Variants in ESRRG observed in about 807,000 individuals in gnomAD.
ESRRG encodes estrogen related receptor gamma.
Under a neutral mutation model 44.0 loss-of-function variants are expected in ESRRG, and 13 were observed. That is an observed-to-expected ratio of 0.30 (90% CI 0.19 to 0.47). The LOEUF (loss-of-function observed/expected upper bound fraction) is 0.47. Among genes scored for constraint, ESRRG ranks in the 20% least tolerant of loss-of-function variants. ESRRG has a pLI of 1.00. For missense variants in ESRRG, 395 were observed against 580.6 expected (o/e 0.68, Z 3.29); for synonymous variants, 215 against 214.6 (o/e 1.00, Z -0.02).
intron 1 of ESRRG, among the ~76,000 whole-genome samples, chr1:216,683,452 T>G (rs1205574888): frequency 2.0e-5 from 3 of 152,206 alleles, no homozygotes; most frequent in Non-Finnish European, 2.9e-5. Context: ...AAATAACTTG[T>G]GCATTTAGTT....
chr1:216,880,274 T>C (rs2096423109), intron 2 of ESRRG, among the ~76,000 whole-genome samples: 1 of 109,732 alleles, frequency 9.1e-6, no homozygotes, highest in South Asian at 3.2e-4. Flanking sequence ...GCCACTGCAC[T>C]CCAGCCTGAG....
chr1:216,651,902 A>C (rs985758981), intron 2 of ESRRG, among the ~76,000 whole-genome samples: 2 of 152,112 alleles, frequency 1.3e-5, no homozygotes, highest in Non-Finnish European at 2.9e-5. Flanking sequence ...ATCCAAACTA[A>C]ATTTTTTTTT....
intron 1 of ESRRG, among the ~76,000 whole-genome samples, chr1:217,083,246 T>C (rs897002052): frequency 6.6e-6 from 1 of 152,242 alleles, no homozygotes; most frequent in Non-Finnish European, 1.5e-5. Context: ...CTAATTGGTT[T>C]ACAATGGAAA....
At chr1:217,004,320 A>G (rs1286090262) in intron 1 of ESRRG, among the ~76,000 whole-genome samples, 2 of 152,122 alleles carry the variant, frequency 1.3e-5, no homozygotes, top group African/African-American at 4.8e-5. Context: ...GGCCAGGTGG[A>G]GATAATTGAA....
intron 1 of ESRRG, among the ~76,000 whole-genome samples, chr1:216,984,351 A>G (rs1294023850): frequency 6.6e-5 from 10 of 152,208 alleles, no homozygotes; most frequent in Non-Finnish European, 1.0e-4. Flanking sequence ...CAATAGCTTC[A>G]TGCAAAATAG....
chr1:216,507,698 C>T (rs919402768), intron 6 of ESRRG, among the ~76,000 whole-genome samples: 38 of 152,270 alleles, frequency 2.5e-4, no homozygotes, highest in African/African-American at 9.1e-4. Flanking sequence ...TAGCACTATA[C>T]AGAAATCACA....
chr1:217,080,918 C>T (rs1440622594), intron 1 of ESRRG, among the ~76,000 whole-genome samples: 1 of 151,776 alleles, frequency 6.6e-6, no homozygotes, highest in East Asian at 1.9e-4. Flanking sequence ...ACCTCGTGAT[C>T]CGCCCGCCTC....
intron 1 of ESRRG, among the ~76,000 whole-genome samples, chr1:217,102,234 G>A (rs955161931): frequency 2.6e-5 from 4 of 152,178 alleles, no homozygotes; most frequent in African/African-American, 7.2e-5. Flanking sequence ...CTGTAAAAAC[G>A]GAGGCACAAA....
chr1:217,114,997 A>G (rs1051523849), intron 1 of ESRRG, among the ~76,000 whole-genome samples: 3 of 152,054 alleles, frequency 2.0e-5, no homozygotes, highest in African/African-American at 4.8e-5. Flanking sequence ...TTCTCTCTGG[A>G]GGGATCTGCT....
intron 2 of ESRRG, among the ~76,000 whole-genome samples, chr1:216,787,006 A>C (rs1326793156): frequency 6.6e-6 from 1 of 152,116 alleles, no homozygotes; most frequent in Non-Finnish European, 1.5e-5. Flanking sequence ...GCAACCTTTC[A>C]TCAAGCCAGT....
chr1:217,081,069 A>G (rs1347505618), intron 1 of ESRRG, among the ~76,000 whole-genome samples: 3 of 151,992 alleles, frequency 2.0e-5, no homozygotes, highest in African/African-American at 7.2e-5. Flanking sequence ...TCTTGGGTAG[A>G]GTTTGCTTTT....
intron 5 of ESRRG, among the ~76,000 whole-genome samples, chr1:216,562,484 G>A (rs11117620): frequency 2.6e-5 from 4 of 151,904 alleles, no homozygotes; most frequent in African/African-American, 4.8e-5. Flanking sequence ...TTTTCAGTTT[G>A]GGGGAAGAGG....
chr1:217,122,016 A>C (rs2092826893), intron 1 of ESRRG, among the ~76,000 whole-genome samples: 1 of 152,220 alleles, frequency 6.6e-6, no homozygotes, highest in East Asian at 1.9e-4. Context: ...AGTTAGGTTA[A>C]CTATGCAAAT....
At chr1:216,683,026 G>A (rs142737842) in intron 1 of ESRRG, among the ~76,000 whole-genome samples, 4 of 152,224 alleles carry the variant, frequency 2.6e-5, no homozygotes, top group East Asian at 3.9e-4. Flanking sequence ...AGAAATCAAC[G>A]GTGCAACGTG....
At chr1:216,640,887 T>C (rs1218872056) in intron 3 of ESRRG, among the ~76,000 whole-genome samples, 1 of 152,174 alleles carries the variant, frequency 6.6e-6, no homozygotes, top group Admixed American at 6.5e-5. Flanking sequence ...AACAGAGTCC[T>C]ATATGGTTCT....
chr1:216,934,208 T>C, intron 2 of ESRRG, among the ~76,000 whole-genome samples: 1 of 151,920 alleles, frequency 6.6e-6, no homozygotes, highest in Non-Finnish European at 1.5e-5. Context: ...CTGAGGTGGG[T>C]GGATCACTTG....
In ESRRG at chr1:216,759,902, G is replaced by A. The variant is rs550013836; in HGVS notation, c.-13-82411C>T. On this transcript the variant is annotated intron_variant, in intron 2 of 7. Transcript: ENST00000359162. The stretch of plus-strand genomic sequence containing the variant: ...AGCACTTGCACATATGGGTCCCTTA[G>A]CCTAGTACATTATCATCCCTCTCCT... Among the ~76,000 whole-genome samples, 5 of 152,208 alleles carry A rather than the reference G, an allele frequency of 3.3e-5. No individual in the cohort carries two copies. The South Asian group carries it at 6.2e-4, about 19-fold the overall frequency.
At chr1:216,995,451 T>C (rs2076254668) in intron 1 of ESRRG, among the ~76,000 whole-genome samples, 1 of 152,304 alleles carries the variant, frequency 6.6e-6, no homozygotes, top group East Asian at 1.9e-4. Context: ...GCTTAGCCAA[T>C]AAGATTTTTA....
At chr1:216,600,066 C>T (rs74141619) in intron 3 of ESRRG, among the ~76,000 whole-genome samples, 1,739 of 152,318 alleles carry the variant, frequency 0.011, 40 homozygotes, top group African/African-American at 0.04. Context: ...ATGCTTCATG[C>T]TATGATGTCT....
Sources: allele counts gnomAD v4.1 joint callset (sites outside exome capture counted in the v4.1 genomes callset), GRCh38; gene constraint gnomAD v4.1.1; transcripts MANE v1.5; gene names NCBI Gene and HGNC (gene_info 2026-07-23, HGNC 2026-07-21).